Variants in SGCD observed in about 807,000 individuals in gnomAD.
SGCD encodes the protein delta-sarcoglycan.
In SGCD, 18 loss-of-function variants were observed where a neutral mutation model predicts 36.6. That is an observed-to-expected ratio of 0.49 (90% confidence interval 0.34 to 0.73). The LOEUF is 0.73. Ranked by LOEUF, SGCD falls within the 30% of genes least tolerant of loss-of-function variation. The pLI is 0.01. For synonymous variants in SGCD, 133 were observed against 130.6 expected (o/e 1.02, Z -0.12); for missense variants, 387 against 346.7 (o/e 1.12, Z -0.92).
chr5:155,879,079 TAA>T (rs148962402), intron 1 of SGCD, among the ~76,000 whole-genome samples: 2 of 146,076 alleles, frequency 1.4e-5, no homozygotes, highest in Admixed American at 6.9e-5. Context: ...TCTGCACACT[TAA>T]AAAAAAAAAG....
At chr5:156,040,943 T>C (rs1313697572) in intron 1 of SGCD, among the ~76,000 whole-genome samples, 2 of 152,182 alleles carry the variant, frequency 1.3e-5, no homozygotes, top group South Asian at 2.1e-4. Flanking sequence ...TAATAAAACA[T>C]CATCAGATTT....
intron 3 of SGCD, among the ~76,000 whole-genome samples, chr5:156,178,957 T>C (rs572210642): frequency 7.9e-5 from 12 of 152,348 alleles, no homozygotes; most frequent in African/African-American, 2.6e-4. Context: ...GTCCAACGCA[T>C]AGTCACTGTT....
At chr5:156,693,883 G>A (rs530737358) in intron 7 of SGCD, among the ~76,000 whole-genome samples, 24 of 152,026 alleles carry the variant, frequency 1.6e-4, no homozygotes, top group Non-Finnish European at 2.6e-4. Context: ...GGTAAGAATC[G>A]GGGATCTTCT....
chr5:156,427,020 A>C (rs957221689), intron 3 of SGCD, among the ~76,000 whole-genome samples: 3 of 152,072 alleles, frequency 2.0e-5, no homozygotes, highest in Non-Finnish European at 4.4e-5. Context: ...TGCTTTGGCT[A>C]TGTGGGCTCC....
intron 1 of SGCD, among the ~76,000 whole-genome samples, chr5:155,896,993 A>T (rs1756277965): frequency 6.6e-6 from 1 of 152,248 alleles, no homozygotes; most frequent in South Asian, 2.1e-4. Context: ...GGTATGTATT[A>T]GAGTATAATG....
chr5:156,508,698 GA>G lies in SGCD; in HGVS notation c.291del (p.Pro98GlnfsTer15). The G allele has an allele frequency of 1.3e-6, 2 of 1,569,868 alleles. No homozygotes were observed. Among genetic ancestry groups the G allele is most frequent in the Non-Finnish European group, 1.7e-6 (2 of 1,147,684 alleles). ...CTCTACGCCAAAGAAATCCAGTCCC[GA>G]CCAGTAAGTTTCTGCTGAGAGAAGG... ...QPLYAKEIQS[R>X]PGNALYFKSA... On this transcript the variant is annotated frameshift_variant, in exon 4 of 9. Transcript: ENST00000337851. LOFTEE classifies it high-confidence loss of function.
chr5:156,095,050 T>C (rs1020394083), intron 1 of SGCD, among the ~76,000 whole-genome samples: 2 of 152,200 alleles, frequency 1.3e-5, no homozygotes, highest in African/African-American at 4.8e-5. Context: ...TCTGCACTTG[T>C]ACTGTCTGAC....
At chr5:156,582,072 AT>A (rs200425135) in intron 4 of SGCD, among the ~76,000 whole-genome samples, 5 of 151,734 alleles carry the variant, frequency 3.3e-5, no homozygotes, top group Non-Finnish European at 7.4e-5. Context: ...TGGGGGCTCA[AT>A]TTTTTTTTAA....
the SGCD span, among the ~76,000 whole-genome samples, chr5:155,828,889 G>C: frequency 6.6e-6 from 1 of 152,028 alleles, no homozygotes; most frequent in Non-Finnish European, 1.5e-5. Flanking sequence ...GTTTCACCAT[G>C]TTGGTCAGGC....
At chr5:155,743,530 T>C in the SGCD span, among the ~76,000 whole-genome samples, 1 of 152,168 alleles carries the variant, frequency 6.6e-6, no homozygotes, top group Non-Finnish European at 1.5e-5. Flanking sequence ...CAGTGAAAAG[T>C]TTTATGACCC....
chr5:156,105,273 T>C (rs924426723), intron 1 of SGCD, among the ~76,000 whole-genome samples: 1 of 152,226 alleles, frequency 6.6e-6, no homozygotes, highest in Non-Finnish European at 1.5e-5. Context: ...TCACACATAT[T>C]TTCATTTAAT....
intron 4 of SGCD, among the ~76,000 whole-genome samples, chr5:156,546,614 A>T (rs1265769207): frequency 2.6e-5 from 4 of 152,220 alleles, no homozygotes; most frequent in Non-Finnish European, 5.9e-5. Flanking sequence ...GAAGGAAAAA[A>T]AAAATGAGAT....
intron 3 of SGCD, among the ~76,000 whole-genome samples, chr5:156,149,601 C>A (rs1762785730): frequency 6.6e-6 from 1 of 152,084 alleles, no homozygotes; most frequent in Admixed American, 6.6e-5. Context: ...ACTTCCTTAT[C>A]TTGAGATAGA....
At chr5:155,730,445 C>CTGTGTGTGTG in the SGCD span, among the ~76,000 whole-genome samples, 5,464 of 137,232 alleles carry the variant, frequency 0.04, 319 homozygotes, top group Admixed American at 0.15. Flanking sequence ...GGTAGAGCAG[C>CTGTGTGTGTG]TGTGTGTGTG....
intron 7 of SGCD, among the ~76,000 whole-genome samples, chr5:156,674,393 C>T (rs962898615): frequency 6.6e-6 from 1 of 152,148 alleles, no homozygotes; most frequent in Non-Finnish European, 1.5e-5. Flanking sequence ...GATACTGTTA[C>T]AAAAAGAGAA....
chr5:156,466,948 T>C (rs1295785803), intron 3 of SGCD, among the ~76,000 whole-genome samples: 1 of 152,106 alleles, frequency 6.6e-6, no homozygotes, highest in East Asian at 1.9e-4. Context: ...GGGCCTGTAG[T>C]GTATGCCGAT....
chr5:156,084,193 C>G (rs868362425), intron 1 of SGCD, among the ~76,000 whole-genome samples: 2 of 152,184 alleles, frequency 1.3e-5, no homozygotes, highest in South Asian at 4.1e-4. Context: ...GGAGATTTGA[C>G]ACATTTATTA....
At chr5:155,875,163 G>A (rs1392382811) in intron 1 of SGCD, among the ~76,000 whole-genome samples, 4 of 152,074 alleles carry the variant, frequency 2.6e-5, no homozygotes, top group African/African-American at 4.8e-5. Flanking sequence ...AAGTAAATAC[G>A]TATTGTATAA....
intron 3 of SGCD, among the ~76,000 whole-genome samples, chr5:156,431,729 T>G (rs371386792): frequency 1.4e-4 from 22 of 152,094 alleles, no homozygotes; most frequent in Middle Eastern, 3.4e-3. Context: ...TTTGTTTTGT[T>G]TTTTGGACAG....
Sources: gnomAD v4.1 joint callset for allele counts (sites outside exome capture counted in the v4.1 genomes callset) on GRCh38, gnomAD v4.1.1 for gene constraint, MANE v1.5 for transcripts, NCBI Gene and HGNC (gene_info 2026-07-23, HGNC 2026-07-21) for gene names.